The following MACC1 variants were observed in gnomAD, a reference collection of about 807,000 sequenced individuals.
MACC1 encodes metastasis-associated in colon cancer protein 1.
MACC1 carries 79 observed loss-of-function variants against 70.7 expected under a neutral mutation model. The ratio of observed to expected loss-of-function variants is 1.12; its 90% confidence interval spans 0.93 to 1.35. MACC1 has a LOEUF of 1.35. Ranked by LOEUF, MACC1 falls within the 40% of genes most tolerant of loss-of-function variation. The pLI, the probability that MACC1 is intolerant of heterozygous loss-of-function variation, is 0.00. For synonymous variants in MACC1, 361 were observed against 347.2 expected (o/e 1.04, Z -0.44); for missense variants, 1,106 against 978.1 (o/e 1.13, Z -1.74).
At chr7:20,176,722 T>C (rs1250667400) in intron 1 of MACC1, among the ~76,000 whole-genome samples, 1 of 152,118 alleles carries the variant, frequency 6.6e-6, no homozygotes, top group Non-Finnish European at 1.5e-5. Context: ...GTTACACCCA[T>C]ACCGTGAAAT....
intron 1 of MACC1, among the ~76,000 whole-genome samples, chr7:20,216,082 G>A (rs3095008): frequency 0.48 from 72,889 of 151,874 alleles, 18,313 homozygotes; most frequent in East Asian, 0.9. Flanking sequence ...GTTCAGGGGG[G>A]CATAAAAGAA....
At chr7:20,161,043 A>G (rs551020380) in intron 4 of MACC1, among the ~76,000 whole-genome samples, 45 of 152,240 alleles carry the variant, frequency 3.0e-4, no homozygotes, top group African/African-American at 1.0e-3. Flanking sequence ...TAAAATATTT[A>G]CATTTCTATT....
intron 6 of MACC1, chr7:20,147,340 T>C (rs990283817): frequency 1.3e-5 from 2 of 152,226 alleles, no homozygotes; most frequent in African/African-American, 2.4e-5. Context: ...GCATAAAGAA[T>C]GCAATTGGTT....
At position 20,140,903 on chromosome 7, in the gene MACC1, C is replaced by CA. The variant is rs1781790229; in HGVS notation, c.*42dup. 4 of 1,207,630 alleles carry CA rather than the reference C, an allele frequency of 3.3e-6. No homozygotes were observed. Among genetic ancestry groups the CA allele is most frequent in the East Asian group, 2.7e-5 (1 of 36,994 alleles). The allele number at this position is 1,207,630 out of a possible 1,614,324, so 74.8% of individuals were successfully genotyped here. On this transcript the variant is annotated 3_prime_UTR_variant, in exon 7 of 7. Coordinates refer to ENST00000400331, the MANE Select transcript of MACC1 (RefSeq NM_182762.4). ...CACACAGACACACACACACACACACCATTACCTCATTTTCCCTCCCATCAA... is the reference window on the plus strand; with the variant it reads ...CACACAGACACACACACACACACACCAATTACCTCATTTTCCCTCCCATCAA...
rs1015760095 is a variant in MACC1, at chr7:20,138,190, T to C, written c.*2756A>G. On this transcript the variant is annotated 3_prime_UTR_variant, in exon 7 of 7. Coordinates refer to ENST00000400331, the MANE Select transcript of MACC1 (RefSeq NM_182762.4). Reference sequence around the variant, plus strand: ...AAAAAAAAAAAAAAAAAATTTCCCCTGGAAGGATTTGTTACAAGATTATAA... The same window carrying C: ...AAAAAAAAAAAAAAAAAATTTCCCCCGGAAGGATTTGTTACAAGATTATAA... 7 of 146,426 alleles carry C rather than the reference T, an allele frequency of 4.8e-5. No homozygotes were observed. Among genetic ancestry groups the C allele is most frequent in the African/African-American group, 1.8e-4 (7 of 39,640 alleles). 9.1% of individuals were successfully genotyped at this position (146,426 alleles called of 1,614,324 possible). A position where few individuals can be genotyped will look rare whatever the true frequency, so the allele number is the denominator to read the frequency against.
At chr7:20,183,089 C>T (rs1182616585) in intron 1 of MACC1, among the ~76,000 whole-genome samples, 1 of 152,156 alleles carries the variant, frequency 6.6e-6, no homozygotes, top group African/African-American at 2.4e-5. Context: ...GATGCCTCAT[C>T]CATGATTACG....
At chr7:20,141,778 T>C (rs1047831017) in intron 6 of MACC1, 1 of 152,168 alleles carries the variant, frequency 6.6e-6, no homozygotes, top group Non-Finnish European at 1.5e-5. Flanking sequence ...CCTAAGCACC[T>C]ACCCATACCA....
chr7:20,196,374 G>A (rs1310415151), intron 1 of MACC1, among the ~76,000 whole-genome samples: 1 of 151,980 alleles, frequency 6.6e-6, no homozygotes, highest in African/African-American at 2.4e-5. Context: ...TAGAGACGGG[G>A]TTTCACCGTG....
intron 2 of MACC1, among the ~76,000 whole-genome samples, chr7:20,167,181 T>A (rs1224020908): frequency 6.7e-6 from 1 of 150,016 alleles, no homozygotes; most frequent in African/African-American, 2.4e-5. Context: ...ATCATCCTTA[T>A]TTTTTTTTTA....
At chr7:20,178,750 A>C (rs1782453235) in intron 1 of MACC1, among the ~76,000 whole-genome samples, 1 of 151,976 alleles carries the variant, frequency 6.6e-6, no homozygotes. Context: ...ACAGGCATGC[A>C]CCACCACGCC....
At position 20,158,974 on chromosome 7, in the gene MACC1, C is replaced by G; in HGVS notation, c.1387G>C (p.Gly463Arg). 5.6e-6 allele frequency: 9 copies of G among 1,614,042 alleles called. No homozygotes were observed. Among genetic ancestry groups the G allele is most frequent in the Non-Finnish European group, 7.6e-6 (9 of 1,180,032 alleles). The change falls in exon 5 of 7, where the codon GGT becomes CGT. Residue 463 changes from glycine (G) to arginine (R), a missense_variant. Coordinates refer to ENST00000400331, the MANE Select transcript of MACC1 (RefSeq NM_182762.4). ...KEIKQKQLEA[G>R]EVVHQQFLFS... ...AAAAATTGTTGATGAACTACTTCAC[C>G]TGCTTCCAACTGCTTTTGTTTAATT...
Position 20,214,221 on chromosome 7 carries a change from TA to T in MACC1, c.-218+3077del, listed in dbSNP as rs540260907. ...CCCCTGTTATCCAGCCGCTGAAGAA[TA>T]AATCCCTTTAAAGCTTCCACAACCA... On this transcript the variant is annotated intron_variant, in intron 1 of 6. Coordinates refer to ENST00000400331, the MANE Select transcript of MACC1 (RefSeq NM_182762.4). 1.5e-4 allele frequency among the ~76,000 whole-genome samples: 23 copies of T among 152,262 alleles called. No individual in the cohort carries two copies. In the East Asian group the frequency reaches 4.1e-3, roughly 27 times the overall value.
chr7:20,160,234 G>A lies in MACC1; in HGVS notation c.127C>T (p.Pro43Ser). ...TCCGGCCAATTGTGAAGCAAGTCTGGGTCCTGGCATTCTTGTTATTTAAGG... is the reference window on the plus strand; with the variant it reads ...TCCGGCCAATTGTGAAGCAAGTCTGAGTCCTGGCATTCTTGTTATTTAAGG... ...KSCNITECQD[P>S]DLLHNWPDAF... is the part of the protein sequence containing the mutation. The change falls in exon 5 of 7, where the codon CCA becomes TCA. Residue 43 changes from proline to serine, a missense_variant. By Grantham distance (74) the Pro-to-Ser change is moderately conservative. Transcript: ENST00000400331. 1.3e-6 allele frequency: 2 copies of A among 1,552,964 alleles called. No homozygotes were observed. The highest frequency in any genetic ancestry group is 1.7e-6 in the Non-Finnish European group (2 of 1,156,450).
intron 1 of MACC1, among the ~76,000 whole-genome samples, chr7:20,210,615 A>G (rs1432846283): frequency 6.6e-6 from 1 of 152,184 alleles, no homozygotes; most frequent in African/African-American, 2.4e-5. Context: ...ATCCTTCAAA[A>G]TTAGATGTTA....
At chr7:20,170,055 T>C (rs1348014073) in intron 2 of MACC1, among the ~76,000 whole-genome samples, 1 of 152,134 alleles carries the variant, frequency 6.6e-6, no homozygotes, top group African/African-American at 2.4e-5. Flanking sequence ...CATAGAAAAT[T>C]TTACCAGTGC....
rs555794969 is a variant in MACC1 at position 20,213,629 on chromosome 7, A to T, written c.-218+3670T>A. Reference sequence around the variant, plus strand: ...ACAAGATCATGTATTTTGCAGGGACATGGATGGGGCTGGAGGCTATCATAA... The same window carrying T: ...ACAAGATCATGTATTTTGCAGGGACTTGGATGGGGCTGGAGGCTATCATAA... On this transcript the variant is annotated intron_variant, in intron 1 of 6. Coordinates refer to ENST00000400331, the MANE Select transcript of MACC1 (RefSeq NM_182762.4). Among the ~76,000 whole-genome samples, 4 of 152,342 alleles carry T rather than the reference A, an allele frequency of 2.6e-5. No individual in the cohort carries two copies. The East Asian group carries it at 7.7e-4, about 29-fold the overall frequency.
intron 2 of MACC1, chr7:20,170,466 T>C (rs1379985226): frequency 6.6e-6 from 1 of 152,244 alleles, no homozygotes; most frequent in Admixed American, 6.5e-5. Context: ...GGAAACAGAA[T>C]AAACACTGTG....
chr7:20,161,691 G>C, intron 4 of MACC1, 57 bp downstream of exon 4: 1 of 990,800 alleles, frequency 1.0e-6, no homozygotes, highest in Non-Finnish European at 1.6e-6. Flanking sequence ...AACAATTATT[G>C]GTGATGAATT....
At chr7:20,155,547 G>C (rs1044869442) in intron 5 of MACC1, among the ~76,000 whole-genome samples, 1 of 152,148 alleles carries the variant, frequency 6.6e-6, no homozygotes, top group Admixed American at 6.6e-5. Flanking sequence ...ACCACAGAAA[G>C]TGAAACTGTG....
Sources: gnomAD v4.1 joint callset for allele counts (sites outside exome capture counted in the v4.1 genomes callset) on GRCh38, gnomAD v4.1.1 for gene constraint, MANE v1.5 for transcripts, NCBI Gene and HGNC (gene_info 2026-07-23, HGNC 2026-07-21) for gene names.